Variants in PCCA observed in about 807,000 individuals in gnomAD.
PCCA encodes the protein propionyl-CoA carboxylase alpha chain, mitochondrial.
A neutral mutation model predicts 101.3 loss-of-function variants in PCCA; 74 were observed. That is an observed-to-expected ratio of 0.73 (90% confidence interval 0.61 to 0.89). The LOEUF is 0.89. Ranked by LOEUF, PCCA falls within the 40% of genes least tolerant of loss-of-function variation. PCCA has a pLI of 0.00. For synonymous variants in PCCA, 294 were observed against 313.6 expected, an observed-to-expected ratio of 0.94 and a Z score of 0.66; for missense variants, 891 against 907.0, an observed-to-expected ratio of 0.98 and a Z score of 0.23.
chr13:100,361,376 G>T (rs1330633679), intron 18 of PCCA, among the ~76,000 whole-genome samples: 3 of 151,988 alleles, frequency 2.0e-5, no homozygotes, highest in Non-Finnish European at 2.9e-5. Context: ...TCATGTGGGG[G>T]AGGATGTATG....
chr13:100,348,827 TTCTC>T (rs1263707898), intron 18 of PCCA, among the ~76,000 whole-genome samples: 1 of 143,256 alleles, frequency 7.0e-6, no homozygotes, highest in Admixed American at 7.0e-5. Flanking sequence ...TTTCTTTCTT[TTCTC>T]TCTCTTTTTC....
intron 19 of PCCA, among the ~76,000 whole-genome samples, chr13:100,372,480 G>T (rs2075635570): frequency 6.6e-6 from 1 of 152,124 alleles, no homozygotes; most frequent in African/African-American, 2.4e-5. Flanking sequence ...AGATAAATTG[G>T]ACTATGTGAG....
chr13:100,196,252 A>G (rs2058092957), intron 6 of PCCA, among the ~76,000 whole-genome samples: 1 of 152,198 alleles, frequency 6.6e-6, no homozygotes, highest in South Asian at 2.1e-4. Flanking sequence ...CGAAACATTT[A>G]ATAAAAGAAA....
chr13:100,115,764 G>A (rs1247291147), intron 4 of PCCA, among the ~76,000 whole-genome samples: 1 of 152,162 alleles, frequency 6.6e-6, no homozygotes, highest in East Asian at 1.9e-4. Context: ...TACCTTCCCT[G>A]AAGCAGATGT....
rs528992256 is a variant in PCCA, at chr13:100,445,713, C to T, written c.1846-3539C>T. ...TTATTTTACTTAATGTAATGTCTTC[C>T]GGGTTCATCCATGTTGTTGCAAATG... On this transcript the variant is annotated intron_variant, in intron 20 of 23. Coordinates refer to ENST00000376285, the MANE Select transcript of PCCA (RefSeq NM_000282.4). Among the ~76,000 whole-genome samples the T allele has an allele frequency of 2.6e-4, 39 of 152,162 alleles. No individual in the cohort carries two copies. The South Asian group carries it at 5.2e-3, about 20-fold the overall frequency.
chr13:100,110,460 A>G (rs778480366), intron 2 of PCCA, among the ~76,000 whole-genome samples: 13 of 152,200 alleles, frequency 8.5e-5, no homozygotes, highest in Non-Finnish European at 1.6e-4. Flanking sequence ...AAAGTTAAAT[A>G]GGTCATTAGT....
At chr13:100,187,279 G>A (rs1244558347) in intron 6 of PCCA, among the ~76,000 whole-genome samples, 1 of 152,188 alleles carries the variant, frequency 6.6e-6, no homozygotes, top group Non-Finnish European at 1.5e-5. Flanking sequence ...GGAGAAAGAG[G>A]ATAATCACTG....
intron 6 of PCCA, 96 bp from the exon 7 acceptor site, chr13:100,209,236 A>C: frequency 1.9e-6 from 2 of 1,038,424 alleles, no homozygotes; most frequent in South Asian, 2.7e-5. Context: ...AAATAATTAG[A>C]AAATACACAT....
intron 21 of PCCA, among the ~76,000 whole-genome samples, chr13:100,508,846 T>C (rs934819594): frequency 1.3e-5 from 2 of 152,184 alleles, no homozygotes; most frequent in Non-Finnish European, 2.9e-5. Flanking sequence ...TGTGCTGACG[T>C]TGGTTTCCAT....
chr13:100,187,320 G>A (rs1366081512), intron 6 of PCCA, among the ~76,000 whole-genome samples: 1 of 152,208 alleles, frequency 6.6e-6, no homozygotes, highest in African/African-American at 2.4e-5. Flanking sequence ...GACTTTGTAT[G>A]TTCAGACCAA....
At chr13:100,159,852 C>T (rs2054274858) in intron 6 of PCCA, among the ~76,000 whole-genome samples, 1 of 152,188 alleles carries the variant, frequency 6.6e-6, no homozygotes, top group African/African-American at 2.4e-5. Flanking sequence ...TAACTGCTGC[C>T]TGCCCTTGAA....
chr13:100,337,083 AG>A (rs1265046384), intron 17 of PCCA, among the ~76,000 whole-genome samples: 1 of 152,156 alleles, frequency 6.6e-6, no homozygotes, highest in African/African-American at 2.4e-5. Context: ...ACTCGCTAAA[AG>A]GGGTAGGAAG....
intron 6 of PCCA, chr13:100,160,665 C>G (rs967620766): frequency 6.6e-6 from 1 of 152,110 alleles, no homozygotes; most frequent in Non-Finnish European, 1.5e-5. Flanking sequence ...TCTGTATTTT[C>G]CCTGCAGGCT....
At chr13:100,479,053 C>G (rs750085300) in intron 21 of PCCA, among the ~76,000 whole-genome samples, 14 of 152,212 alleles carry the variant, frequency 9.2e-5, no homozygotes, top group Non-Finnish European at 1.8e-4. Context: ...CACTTATTCT[C>G]TGACAGATAA....
intron 19 of PCCA, among the ~76,000 whole-genome samples, chr13:100,408,007 C>T (rs1370458530): frequency 2.0e-5 from 3 of 152,088 alleles, no homozygotes; most frequent in Admixed American, 2.0e-4. Flanking sequence ...AAAAAATTAT[C>T]TGGGCATGGT....
At chr13:100,526,736 C>T (rs187591018) in intron 22 of PCCA, among the ~76,000 whole-genome samples, 425 of 152,380 alleles carry the variant, frequency 2.8e-3, no homozygotes, top group Non-Finnish European at 4.9e-3. Context: ...GACGCTGACC[C>T]ATCGGGGCAG....
chr13:100,515,459 A>G lies in PCCA; in HGVS notation c.1932A>G (p.Ala644=), dbSNP rs2086764157. 1.9e-6 allele frequency: 3 copies of G among 1,614,136 alleles called. No homozygotes were observed. The highest frequency in any genetic ancestry group is 2.5e-6 in the Non-Finnish European group (3 of 1,180,002). Residue 644 remains alanine (A), a synonymous_variant, in exon 22 of 24, where the codon GCA becomes GCG. Coordinates refer to ENST00000376285, the MANE Select transcript of PCCA (RefSeq NM_000282.4). The part of the protein sequence containing the change: ...YKVNILTRLA[A]ELNKFMLEKV... ...TGAATATCTTAACCAGACTTGCCGC[A>G]GAATTGAACAAATTTATGCTGGAAA... is the stretch of plus-strand genomic sequence containing the variant.
At chr13:100,509,771 G>A (rs911688059) in intron 21 of PCCA, among the ~76,000 whole-genome samples, 2 of 152,124 alleles carry the variant, frequency 1.3e-5, no homozygotes, top group Non-Finnish European at 2.9e-5. Flanking sequence ...CACAATTAGA[G>A]TCTATAACAG....
intron 2 of PCCA, among the ~76,000 whole-genome samples, chr13:100,108,668 G>C (rs190483357): frequency 2.6e-5 from 4 of 152,220 alleles, no homozygotes; most frequent in African/African-American, 9.6e-5. Context: ...TTGTGTTTGT[G>C]CCATATTTTA....
Sources: allele counts gnomAD v4.1 joint callset (sites outside exome capture counted in the v4.1 genomes callset), GRCh38; gene constraint gnomAD v4.1.1; transcripts MANE v1.5; gene names NCBI Gene and HGNC (gene_info 2026-07-23, HGNC 2026-07-21).